CEBPZ: variants seen among roughly 807,000 people sequenced by gnomAD.
CEBPZ encodes CCAAT/enhancer-binding protein zeta.
Under a neutral mutation model 104.5 loss-of-function variants are expected in CEBPZ, and 78 were observed. That is an observed-to-expected ratio of 0.75 (90% confidence interval 0.62 to 0.90). The LOEUF (loss-of-function observed/expected upper bound fraction) is 0.90. Ranked by LOEUF, CEBPZ falls within the 40% of genes least tolerant of loss-of-function variation. The pLI is 0.00. For synonymous variants in CEBPZ, 470 were observed against 427.0 expected (o/e 1.10, Z -1.24); for missense variants, 1,439 against 1,233.5 (o/e 1.17, Z -2.50).
At chr2:37,203,208 A>ATAG (rs1677366062) in intron 13 of CEBPZ, 200 bp from the exon 14 acceptor site, 1 of 398,540 alleles carries the variant, frequency 2.5e-6, no homozygotes, top group African/African-American at 2.1e-5. Context: ...CAACATCCTA[A>ATAG]TAGAACTGTT....
intron 13 of CEBPZ, among the ~76,000 whole-genome samples, chr2:37,206,909 C>T (rs1677557978): frequency 6.6e-6 from 1 of 152,130 alleles, no homozygotes; most frequent in Non-Finnish European, 1.5e-5. Context: ...TCAGGAGACT[C>T]ACGTAACACA....
At chr2:37,212,417 G>C (rs759085798) in intron 10 of CEBPZ, 25 bp from the exon 11 acceptor site, 2 of 1,586,420 alleles carry the variant, frequency 1.3e-6, no homozygotes, top group South Asian at 2.2e-5. Flanking sequence ...AGAAATGTGA[G>C]ATACAACAAA....
intron 1 of CEBPZ, 23 bp downstream of exon 1, chr2:37,231,389 T>A (rs1014418436): frequency 1.2e-6 from 2 of 1,613,144 alleles, no homozygotes; most frequent in African/African-American, 2.7e-5. Flanking sequence ...CTGATCCCGT[T>A]CCCCGGAGCC....
chr2:37,221,944 C>T (rs1213785080), intron 4 of CEBPZ, among the ~76,000 whole-genome samples: 5 of 152,144 alleles, frequency 3.3e-5, no homozygotes, highest in South Asian at 2.1e-4. Flanking sequence ...AACCACTTAA[C>T]GTTTCTATCT....
intron 9 of CEBPZ, among the ~76,000 whole-genome samples, chr2:37,214,453 ATTAAAC>A (rs1189195406): frequency 2.0e-5 from 3 of 152,274 alleles, no homozygotes; most frequent in East Asian, 3.9e-4. Flanking sequence ...TTATCACTAT[ATTAAAC>A]TTAAAGTATT....
Position 37,223,358 on chromosome 2 carries a change from TAG to T in CEBPZ, c.1691_1692del (p.Ala564AspfsTer4). On this transcript the variant is annotated frameshift_variant, in exon 3 of 16. Transcript: ENST00000234170. LOFTEE classifies it high-confidence loss of function. The stretch of plus-strand genomic sequence containing the variant: ...GATTTGTAGACAAGGTTAAGAAACA[TAG>T]CTTGCTTGGAACACGTCATCAACCC... ...DPGLMTCSKQ[A>X]MFLNLVYKSL... The T allele has an allele frequency of 6.2e-7, 1 of 1,614,140 alleles. No homozygotes were observed. Among genetic ancestry groups the T allele is most frequent in the South Asian group, 1.1e-5 (1 of 91,072 alleles).
At chr2:37,210,775 T>A (rs138393600) in intron 13 of CEBPZ, 1 of 447,184 alleles carries the variant, frequency 2.2e-6, no homozygotes, top group African/African-American at 2.0e-5. Context: ...GAAATAATGA[T>A]AACAAATTTT....
intron 2 of CEBPZ, among the ~76,000 whole-genome samples, chr2:37,225,209 A>C (rs1664855390): frequency 6.6e-6 from 1 of 152,220 alleles, no homozygotes; most frequent in Admixed American, 6.5e-5. Context: ...GACCAGAGCA[A>C]TCAGTGCTAT....
intron 9 of CEBPZ, 123 bp downstream of exon 9, chr2:37,214,763 G>T: frequency 1.8e-6 from 1 of 547,156 alleles, no homozygotes; most frequent in Admixed American, 3.4e-5. Flanking sequence ...AATGTTCCAT[G>T]GTCTATTTAC....
chr2:37,231,557 A>C lies in CEBPZ; in HGVS notation c.11T>G (p.Val4Gly), dbSNP rs868291345. 1.9e-6 allele frequency: 3 copies of C among 1,614,078 alleles called. No homozygotes were observed. The highest frequency in any genetic ancestry group is 2.5e-6 in the Non-Finnish European group (3 of 1,180,038). Residue 4 changes from valine (V) to glycine (G), a missense_variant, in exon 1 of 16, where the codon GTC becomes GGC. By Grantham distance (109) the Val-to-Gly change is moderately radical (BLOSUM62 -3). Coordinates refer to ENST00000234170, the MANE Select transcript of CEBPZ (RefSeq NM_005760.3). ...GGCATGGAACTCCAAAGGCTCCTTG[A>C]CTGCGGCCATGGCGGGCAAAGCATA... Reference protein sequence around the residue: MAAVKEPLEFHAKR... With the variant: MAAGKEPLEFHAKR...
At chr2:37,211,206 T>G in intron 12 of CEBPZ, 124 bp from the exon 13 acceptor site, 2 of 561,278 alleles carry the variant, frequency 3.6e-6, no homozygotes, top group Non-Finnish European at 6.1e-6. Flanking sequence ...CCATGTGGGT[T>G]TTGTAATTCC....
Position 37,222,487 on chromosome 2 carries a change from T to C in CEBPZ, c.1958A>G (p.Glu653Gly). 1 of 1,611,680 alleles carries C rather than the reference T, an allele frequency of 6.2e-7. No homozygotes were observed. The highest frequency in any genetic ancestry group is 8.5e-7 in the Non-Finnish European group (1 of 1,179,408). Residue 653 changes from glutamate (E) to glycine (G), a missense_variant, in exon 4 of 16, where the codon GAA (glutamate) becomes GGA (glycine). By Grantham distance (98) the Glu-to-Gly change is moderately conservative (BLOSUM62 -2). Coordinates refer to ENST00000234170, the MANE Select transcript of CEBPZ (RefSeq NM_005760.3). Reference sequence around the variant, plus strand: ...CTCAAGTTTTTTCACTATCTCTGTTTCTTTGTCTGCATCAGTGAATTTTTC... The same window carrying C: ...CTCAAGTTTTTTCACTATCTCTGTTCCTTTGTCTGCATCAGTGAATTTTTC... ...DMEKFTDADK[E>G]TEIVKKLETE... is the part of the protein sequence containing the mutation.
intron 5 of CEBPZ, among the ~76,000 whole-genome samples, chr2:37,217,550 G>A (rs987137408): frequency 6.6e-6 from 1 of 152,028 alleles, no homozygotes; most frequent in Admixed American, 6.6e-5. Flanking sequence ...TATATCTACA[G>A]ACACCTATGT....
intron 1 of CEBPZ, among the ~76,000 whole-genome samples, chr2:37,229,671 A>C (rs925212711): frequency 2.0e-5 from 3 of 152,140 alleles, no homozygotes; most frequent in Admixed American, 6.5e-5. Context: ...TATTTAATAC[A>C]AGGCACACAT....
chr2:37,202,958 C>T lies in CEBPZ; in HGVS notation c.2935G>A (p.Ala979Thr), dbSNP rs1426807938. The T allele has an allele frequency of 6.3e-7, 1 of 1,579,298 alleles. No individual in the cohort carries two copies. Residue 979 changes from alanine (A) to threonine (T), a missense_variant, in exon 14 of 16, where the codon GCT becomes ACT. Physicochemically the swap from Ala to Thr is moderately conservative, Grantham distance 58 (BLOSUM62 0). Coordinates refer to ENST00000234170, the MANE Select transcript of CEBPZ (RefSeq NM_005760.3). The stretch of plus-strand genomic sequence containing the variant: ...CAGTACATTAGCCTTACCTCTTCAG[C>T]AGATACAAATAGGCTGGAATCATTT... ...NLNDSSLFVS[A>T]EEFGHLLDEN...
chr2:37,216,774 C>T (rs941879206), intron 6 of CEBPZ, among the ~76,000 whole-genome samples: 7 of 152,222 alleles, frequency 4.6e-5, no homozygotes, highest in Middle Eastern at 3.4e-3. Context: ...TAAATAACTG[C>T]GTGGCTTTCA....
In CEBPZ at chr2:37,227,694, C is replaced by T. The variant is rs755444331; in HGVS notation, c.1499G>A (p.Gly500Asp). The T allele has an allele frequency of 1.2e-6, 2 of 1,614,152 alleles. No homozygotes were observed. The highest frequency in any genetic ancestry group is 1.7e-6 in the Non-Finnish European group (2 of 1,180,020). ...VNRAYPYSQT[G>D]DDKVREQIDT... is the part of the protein sequence containing the mutation. Reference sequence around the variant, plus strand: ...AATCTGCTCCCTTACTTTGTCATCACCAGTCTGGGAATAAGGGTATGCCCT... The same window carrying T: ...AATCTGCTCCCTTACTTTGTCATCATCAGTCTGGGAATAAGGGTATGCCCT... The change falls in exon 2 of 16, where the codon GGT (glycine) becomes GAT (aspartate). Residue 500 changes from glycine (G) to aspartate (D), a missense_variant. Physicochemically the swap from Gly to Asp is moderately conservative, Grantham distance 94. Coordinates refer to ENST00000234170, the MANE Select transcript of CEBPZ (RefSeq NM_005760.3).
chr2:37,216,152 G>A lies in CEBPZ; in HGVS notation c.2368C>T (p.Arg790Cys), dbSNP rs779593212. The change falls in exon 8 of 16, where the codon CGT becomes TGT. Residue 790 changes from arginine (R) to cysteine (C), a missense_variant. Transcript: ENST00000234170. Reference protein sequence around the residue: ...PKRKHFIKDIRHLPVNSKEFL... With the variant: ...PKRKHFIKDICHLPVNSKEFL... ...GGTTTATACTTACCAGGAAGATGAC[G>A]AATATCCTTAATAAAATGTTTTCTT... 57 of 1,610,876 alleles carry A rather than the reference G, an allele frequency of 3.5e-5. No individual in the cohort carries two copies. The highest frequency in any genetic ancestry group is 4.4e-5 in the Non-Finnish European group (52 of 1,178,280).
intron 1 of CEBPZ, among the ~76,000 whole-genome samples, chr2:37,229,361 T>G (rs1328973223): frequency 6.6e-6 from 1 of 152,144 alleles, no homozygotes; most frequent in Non-Finnish European, 1.5e-5. Flanking sequence ...CATCAGTAAG[T>G]GACAACCCAA....
Sources: allele counts gnomAD v4.1 joint callset (sites outside exome capture counted in the v4.1 genomes callset), GRCh38; gene constraint gnomAD v4.1.1; transcripts MANE v1.5; gene names NCBI Gene and HGNC (gene_info 2026-07-23, HGNC 2026-07-21).